The following BCAS3 variants were observed in gnomAD, a reference collection of about 807,000 sequenced individuals.
The protein encoded by BCAS3 is BCAS3 microtubule associated cell migration factor.
A neutral mutation model predicts 116.1 loss-of-function variants in BCAS3; 53 were observed. The ratio of observed to expected loss-of-function variants is 0.46; its 90% CI spans 0.37 to 0.57. The LOEUF is 0.57. BCAS3 is among the 20% of genes least tolerant of loss of function. The probability of loss-of-function intolerance (pLI) is 0.00; values close to 1 mark genes in which losing one functional copy is unlikely to be tolerated. For missense variants in BCAS3, 917 were observed against 1,165.4 expected (o/e 0.79, Z 3.10); for synonymous variants, 391 against 408.2 (o/e 0.96, Z 0.51).
chr17:60,873,921 C>A (rs2055353071), intron 8 of BCAS3, among the ~76,000 whole-genome samples: 1 of 151,966 alleles, frequency 6.6e-6, no homozygotes, highest in African/African-American at 2.4e-5. Context: ...CTAGGCTGGT[C>A]TCAATCTCCT....
Position 61,215,185 on chromosome 17 carries a change from C to T in BCAS3, c.2425+130621C>T, listed in dbSNP as rs1601951783. On this transcript the variant is annotated intron_variant, in intron 22 of 23. Coordinates refer to ENST00000407086, the MANE Select transcript of BCAS3 (RefSeq NM_017679.5). The surrounding 1 kb of genome is among the most constrained non-coding windows in gnomAD (Gnocchi z 4.8). ...GGACAAGGATACATTTCACCTATGT[C>T]TTATGCTTTAACTCTTTTTAGAGAG... is the stretch of plus-strand genomic sequence containing the variant. Among the ~76,000 whole-genome samples the T allele has an allele frequency of 6.6e-6, 1 of 152,188 alleles. No individual in the cohort carries two copies. The highest frequency in any genetic ancestry group is 2.4e-5 in the African/African-American group (1 of 41,446).
rs1034206731 is a variant in BCAS3, at chr17:61,217,193, G to A, written c.2425+132629G>A. 6.6e-6 allele frequency among the ~76,000 whole-genome samples: 1 copy of A among 152,146 alleles called. No homozygotes were observed. Among genetic ancestry groups the A allele is most frequent in the Non-Finnish European group, 1.5e-5 (1 of 68,032 alleles). ...AGCTACTCAGGAGGCTGAGGCAGGAGAATCGCTTGAACCCAGGAGGCGGAG... is the reference window on the plus strand; with the variant it reads ...AGCTACTCAGGAGGCTGAGGCAGGAAAATCGCTTGAACCCAGGAGGCGGAG... On this transcript the variant is annotated intron_variant, in intron 22 of 23. Coordinates refer to ENST00000407086, the MANE Select transcript of BCAS3 (RefSeq NM_017679.5). The surrounding 1 kb of genome is among the most constrained non-coding windows in gnomAD (Gnocchi z 5.2).
At chr17:61,193,973 C>G (rs929284833) in intron 22 of BCAS3, among the ~76,000 whole-genome samples, 1 of 150,296 alleles carries the variant, frequency 6.7e-6, no homozygotes, top group Non-Finnish European at 1.5e-5. Context: ...AAAAATTTGC[C>G]GGGCCTGGTG....
At chr17:61,172,731 A>G (rs973926330) in intron 22 of BCAS3, among the ~76,000 whole-genome samples, 1 of 150,738 alleles carries the variant, frequency 6.6e-6, no homozygotes. Flanking sequence ...CATGCCTTTA[A>G]TCCCAGCACT....
chr17:61,076,101 CT>C (rs1479685416), intron 20 of BCAS3, among the ~76,000 whole-genome samples: 7 of 152,156 alleles, frequency 4.6e-5, no homozygotes, highest in Non-Finnish European at 1.0e-4. Context: ...CCAGGTGAAG[CT>C]GTCTTCATCT....
chr17:60,747,187 C>A lies in BCAS3; in HGVS notation c.322-11C>A. 1 of 1,589,876 alleles carries A rather than the reference C, an allele frequency of 6.3e-7. No homozygotes were observed. The highest frequency in any genetic ancestry group is 1.3e-5 in the African/African-American group (1 of 74,520). ...TTCCCACTGAAATATTTTCTTTCTT[C>A]TCTTATGCAGATCAGTGGTGAAGCA... On this transcript the variant is annotated splice_polypyrimidine_tract_variant and intron_variant, in intron 5 of 23. Transcript: ENST00000407086.
rs2056410662 is a variant in BCAS3, at chr17:61,332,938, C to T, written c.2426-35389C>T. 6.6e-6 allele frequency among the ~76,000 whole-genome samples: 1 copy of T among 152,208 alleles called. No individual in the cohort carries two copies. The highest frequency in any genetic ancestry group is 2.1e-4 in the South Asian group (1 of 4,834). ...GCCTATCCCCATCTTAAAAAGGAGGCAGCTAAGGCTCAGAGAAGTCATATT... is the reference window on the plus strand; with the variant it reads ...GCCTATCCCCATCTTAAAAAGGAGGTAGCTAAGGCTCAGAGAAGTCATATT... On this transcript the variant is annotated intron_variant, in intron 22 of 23. Coordinates refer to ENST00000407086, the MANE Select transcript of BCAS3 (RefSeq NM_017679.5). The surrounding 1 kb of genome is among the most constrained non-coding windows in gnomAD (Gnocchi z 5.4).
intron 5 of BCAS3, among the ~76,000 whole-genome samples, chr17:60,738,113 T>C (rs1328993887): frequency 6.6e-6 from 1 of 152,186 alleles, no homozygotes; most frequent in Non-Finnish European, 1.5e-5. Context: ...AAGGTGTGTT[T>C]TGTGGTCCAG....
chr17:61,146,461 G>T (rs997009348), intron 22 of BCAS3, among the ~76,000 whole-genome samples: 1 of 152,018 alleles, frequency 6.6e-6, no homozygotes, highest in Non-Finnish European at 1.5e-5. Flanking sequence ...GGGTCACTCT[G>T]AAAATTGCTT....
chr17:61,042,975 A>G (rs1240160591), intron 19 of BCAS3, among the ~76,000 whole-genome samples: 1 of 150,640 alleles, frequency 6.6e-6, no homozygotes, highest in African/African-American at 2.4e-5. Flanking sequence ...AAGGGAGTGG[A>G]GGCTAGGTGA....
chr17:61,334,604 C>T (rs965529828), intron 22 of BCAS3, among the ~76,000 whole-genome samples: 15 of 127,540 alleles, frequency 1.2e-4, no homozygotes, highest in Non-Finnish European at 2.0e-4. Flanking sequence ...GTGGAGGTTG[C>T]GGTGAGCTGA....
chr17:60,718,075 C>A (rs1378201363), intron 5 of BCAS3, among the ~76,000 whole-genome samples: 1 of 152,156 alleles, frequency 6.6e-6, no homozygotes, highest in African/African-American at 2.4e-5. Flanking sequence ...GCTGACCTGA[C>A]AAGAGGCAGA....
At chr17:61,341,260 C>T (rs377329698) in intron 22 of BCAS3, among the ~76,000 whole-genome samples, 4 of 152,164 alleles carry the variant, frequency 2.6e-5, no homozygotes, top group East Asian at 3.9e-4. Flanking sequence ...TCTGCATCTA[C>T]GAGGAGCAAA....
At chr17:60,975,369 T>C (rs2062268827) in intron 14 of BCAS3, among the ~76,000 whole-genome samples, 1 of 152,212 alleles carries the variant, frequency 6.6e-6, no homozygotes, top group South Asian at 2.1e-4. Flanking sequence ...AAAATGCTCG[T>C]TTAGGCTTCT....
At chr17:60,858,291 A>G (rs1453992344) in intron 7 of BCAS3, among the ~76,000 whole-genome samples, 2 of 152,170 alleles carry the variant, frequency 1.3e-5, no homozygotes, top group Non-Finnish European at 2.9e-5. Flanking sequence ...CTGTCACACC[A>G]AAAGTTTCTC....
At chr17:61,022,281 G>A (rs1012274231) in intron 16 of BCAS3, among the ~76,000 whole-genome samples, 6 of 151,910 alleles carry the variant, frequency 3.9e-5, no homozygotes, top group South Asian at 2.1e-4. Context: ...ATGGAGTCTC[G>A]CTCTGTAGCC....
At chr17:61,310,929 G>A (rs1297707305) in intron 22 of BCAS3, among the ~76,000 whole-genome samples, 2 of 152,144 alleles carry the variant, frequency 1.3e-5, no homozygotes, top group Admixed American at 6.5e-5. Context: ...ATTTGGAGCT[G>A]GAGCAGTTCA....
intron 14 of BCAS3, among the ~76,000 whole-genome samples, chr17:60,979,829 C>T (rs186552468): frequency 3.3e-5 from 5 of 152,244 alleles, no homozygotes; most frequent in African/African-American, 1.2e-4. Context: ...ACCAGCCTTG[C>T]ATCCCAGGGA....
At chr17:61,100,481 A>G (rs746432723) in intron 22 of BCAS3, among the ~76,000 whole-genome samples, 7 of 151,428 alleles carry the variant, frequency 4.6e-5, no homozygotes, top group Non-Finnish European at 7.4e-5. Flanking sequence ...CTTTATTCCA[A>G]CTCACCCCCT....
Sources: gnomAD v4.1 joint callset for allele counts (sites outside exome capture counted in the v4.1 genomes callset) on GRCh38, gnomAD v4.1.1 for gene constraint, Gnocchi (gnomAD v3.1) non-coding constraint, MANE v1.5 for transcripts, NCBI Gene and HGNC (gene_info 2026-07-23, HGNC 2026-07-21) for gene names.